IRF1: variants seen among roughly 807,000 people sequenced by gnomAD.
The protein encoded by IRF1 is interferon regulatory factor-1.
A neutral mutation model predicts 43.7 loss-of-function variants in IRF1; 13 were observed. The observed-to-expected ratio is 0.30, with a 90% CI of 0.19 to 0.47. The LOEUF (loss-of-function observed/expected upper bound fraction) is 0.47. IRF1 is among the 20% of genes least tolerant of loss of function. IRF1 has a pLI of 0.99. For missense variants in IRF1, 236 were observed against 408.9 expected (o/e 0.58, Z 3.65); for synonymous variants, 138 against 146.8 (o/e 0.94, Z 0.43).
intron 2 of IRF1, 57 bp downstream of exon 2, chr5:132,489,335 C>T (rs924776372): frequency 2.4e-5 from 31 of 1,287,220 alleles, no homozygotes; most frequent in Non-Finnish European, 3.4e-5. Context: ...AGCTTTGGTC[C>T]CTCCAGAAGT....
intron 3 of IRF1, chr5:132,487,678 C>T (rs1754572267): frequency 1.9e-6 from 1 of 527,308 alleles, no homozygotes. Flanking sequence ...CCAGGGAGAA[C>T]TTTCATCTAG....
Position 132,484,029 on chromosome 5 carries a change from G to A in IRF1, c.900C>T (p.Asn300=). 6.2e-7 allele frequency: 1 copy of A among 1,613,996 alleles called. No homozygotes were observed. Among genetic ancestry groups the A allele is most frequent in the Non-Finnish European group, 8.5e-7 (1 of 1,179,984 alleles). ...GGCTGTCCAGCCAGGTGGCATCCAT[G>A]TTCTTCAGATCTGTGAAGACACGCT... ...SLQRVFTDLK[N]MDATWLDSLL... Residue 300 remains asparagine, a synonymous_variant, in exon 10 of 10, where the codon AAC becomes AAT. Coordinates refer to ENST00000245414, the MANE Select transcript of IRF1 (RefSeq NM_002198.3).
rs1436402895 is a variant in IRF1 at position 132,486,844 on chromosome 5, T to C, written c.365A>G (p.Glu122Gly). The C allele has an allele frequency of 1.2e-6, 2 of 1,614,068 alleles. No homozygotes were observed. Among genetic ancestry groups the C allele is most frequent in the East Asian group, 2.2e-5 (1 of 44,890 alleles). The change falls in exon 5 of 10, where the codon GAA becomes GGA. Residue 122 changes from glutamate to glycine, a missense_variant and splice_region_variant. Transcript: ENST00000245414. Reference sequence around the variant, plus strand: ...ATCTCGGCTGGACTTCGACTTTCTTTCTGTGGGGCAGACGGGCTGTCAGCC... The same window carrying C: ...ATCTCGGCTGGACTTCGACTTTCTTCCTGTGGGGCAGACGGGCTGTCAGCC... ...LPPLTKNQRKERKSKSSRDAK... is the reference protein window; with the variant it reads ...LPPLTKNQRKGRKSKSSRDAK...
At chr5:132,484,166 T>C in intron 9 of IRF1, 91 bp from the exon 10 acceptor site, 1 of 1,514,400 alleles carries the variant, frequency 6.6e-7, no homozygotes. Context: ...ACATGGCCTC[T>C]GCTCTTCCCA....
chr5:132,486,295 T>C lies in IRF1; in HGVS notation c.623A>G (p.Asp208Gly). Residue 208 changes from aspartate to glycine, a missense_variant, in exon 7 of 10, where the codon GAT becomes GGT. Asp to Gly is a moderately conservative substitution (Grantham distance 94). Around this residue, in one of 2 missense-constraint regions of IRF1, gnomAD observed 170 missense variants for 251.8 expected, o/e 0.68. Coordinates refer to ENST00000245414, the MANE Select transcript of IRF1 (RefSeq NM_002198.3). ...PVEVVPDSTS[D>G]LYNFQVSPMP... The stretch of plus-strand genomic sequence containing the variant: ...GGGTGACACCTGGAAGTTGTACAGA[T>C]CACTGGTGCTGTCCGGCACAACTTC... The C allele has an allele frequency of 4.3e-6, 7 of 1,613,500 alleles. No homozygotes were observed. Among genetic ancestry groups the C allele is most frequent in the Non-Finnish European group, 5.9e-6 (7 of 1,180,016 alleles).
chr5:132,482,801 C>T lies in IRF1; in HGVS notation c.*1150G>A, dbSNP rs1471578251. 1 of 151,304 alleles carries T rather than the reference C, an allele frequency of 6.6e-6. No homozygotes were observed. The highest frequency in any genetic ancestry group is 6.6e-5 in the Admixed American group (1 of 15,106). The allele number at this position is 151,304 out of a possible 1,614,324, so 9.4% of individuals were successfully genotyped here. A position where few individuals can be genotyped will look rare whatever the true frequency, so the allele number is the denominator to read the frequency against. ...GAGTAGCTGGGATTACAAGCACCCG[C>T]AACCACGCCCAGCTAATTTTTGCAT... is the stretch of plus-strand genomic sequence containing the variant. On this transcript the variant is annotated 3_prime_UTR_variant, in exon 10 of 10. Transcript: ENST00000245414.
chr5:132,483,814 G>C lies in IRF1; in HGVS notation c.*137C>G. The C allele has an allele frequency of 9.2e-7, 1 of 1,091,576 alleles. No homozygotes were observed. The highest frequency in any genetic ancestry group is 1.3e-6 in the Non-Finnish European group (1 of 760,880). 67.6% of individuals were successfully genotyped at this position (1,091,576 alleles called of 1,614,324 possible). A position where few individuals can be genotyped will look rare whatever the true frequency, so the allele number is the denominator to read the frequency against. ...CTGAGAGGTCAATGACCCAAGGAGG[G>C]AGGCCCCATCCCCACTTGGCAGTGG... On this transcript the variant is annotated 3_prime_UTR_variant, in exon 10 of 10. Transcript: ENST00000245414.
chr5:132,487,066 G>T lies in IRF1; in HGVS notation c.252C>A (p.Ala84=). The T allele has an allele frequency of 1.2e-6, 2 of 1,614,194 alleles. No homozygotes were observed. Among genetic ancestry groups the T allele is most frequent in the Non-Finnish European group, 1.7e-6 (2 of 1,180,022 alleles). ...PKTWKANFRC[A]MNSLPDIEEV... ...CCTCGATATCTGGCAGGGAGTTCAT[G>T]GCACAGCGAAAGTTGGCCTTCCACG... Residue 84 remains alanine, a synonymous_variant, in exon 4 of 10, where the codon GCC becomes GCA. Transcript: ENST00000245414.
intron 7 of IRF1, 198 bp downstream of exon 7, chr5:132,486,053 C>G (rs1231535339): frequency 1.4e-6 from 1 of 705,290 alleles, no homozygotes; most frequent in East Asian, 2.6e-5. Flanking sequence ...TCACCAGCCC[C>G]CACTGTACTG....
chr5:132,489,936 C>G (rs17848396), intron 1 of IRF1: 3,897 of 174,554 alleles, frequency 0.022, 147 homozygotes, highest in African/African-American at 0.079. Flanking sequence ...CCTCCCGCCC[C>G]CCTGAATCCA....
At chr5:132,489,767 G>C (rs1561606126) in intron 1 of IRF1, 1 of 328,808 alleles carries the variant, frequency 3.0e-6, no homozygotes. Flanking sequence ...CAGGAAAAGA[G>C]ACAAAATGCA....
At chr5:132,484,771 T>G (rs1754474422) in intron 8 of IRF1, 1 of 426,274 alleles carries the variant, frequency 2.3e-6, no homozygotes, top group Non-Finnish European at 4.2e-6. Context: ...CTCAACTGTG[T>G]AAGGACATAG....
At chr5:132,486,218 C>T (rs1580938738) in intron 7 of IRF1, 33 bp downstream of exon 7, 2 of 1,610,252 alleles carry the variant, frequency 1.2e-6, no homozygotes, top group Non-Finnish European at 1.7e-6. Context: ...CCCAGACAGT[C>T]AAGCAGGCAG....
rs1028501606 is a variant in IRF1 at position 132,486,894 on chromosome 5, C to G, written c.365-50G>C. 6.2e-6 allele frequency: 10 copies of G among 1,614,124 alleles called. No individual in the cohort carries two copies. The African/African-American group carries it at 6.7e-5, about 11-fold the overall frequency. On this transcript the variant is annotated intron_variant, in intron 4 of 9. Coordinates refer to ENST00000245414, the MANE Select transcript of IRF1 (RefSeq NM_002198.3). Reference sequence around the variant, plus strand: ...CTTGGTGCAGGCTCTCCAGCCCCAGCTGACCTCCTTCTACCCTCCCTCCCT... The same window carrying G: ...CTTGGTGCAGGCTCTCCAGCCCCAGGTGACCTCCTTCTACCCTCCCTCCCT...
rs10900809 is a variant in IRF1, at chr5:132,490,630, G to A, written c.-91C>T. The A allele has an allele frequency of 0.25, 38,446 of 152,292 alleles. 6,173 individuals carry two copies. The highest frequency in any genetic ancestry group is 0.36 in the Non-Finnish European group (24,817 of 68,026). The allele number at this position is 152,292 out of a possible 1,614,324, so 9.4% of individuals were successfully genotyped here. A position where few individuals can be genotyped will look rare whatever the true frequency, so the allele number is the denominator to read the frequency against. On this transcript the variant is annotated 5_prime_UTR_variant, in exon 1 of 10. Transcript: ENST00000245414. This position sits in a 1 kb window ranked among gnomAD's most constrained non-coding sequence, Gnocchi z 5.8. ...GTGAGGGCGCGCGGAGCGCGACTCCGAGTGGAAGAGGGAAGAAGGCAGAGG... is the reference window on the plus strand; with the variant it reads ...GTGAGGGCGCGCGGAGCGCGACTCCAAGTGGAAGAGGGAAGAAGGCAGAGG...
chr5:132,484,520 C>T, intron 8 of IRF1, 23 bp from the exon 9 acceptor site: 1 of 1,613,684 alleles, frequency 6.2e-7, no homozygotes, highest in Non-Finnish European at 8.5e-7. Flanking sequence ...GAGCAAGAGG[C>T]TATCAACTCC....
At chr5:132,487,755 T>G (rs1358264112) in intron 3 of IRF1, 171 bp downstream of exon 3, 1 of 594,258 alleles carries the variant, frequency 1.7e-6, no homozygotes, top group East Asian at 2.8e-5. Flanking sequence ...TTTGCTGAGA[T>G]GATCGACTCT....
At chr5:132,487,258 C>G in intron 3 of IRF1, 128 bp from the exon 4 acceptor site, 1 of 879,208 alleles carries the variant, frequency 1.1e-6, no homozygotes, top group Non-Finnish European at 1.8e-6. Flanking sequence ...AGTGGTCAAA[C>G]CAGCAGGTAC....
Position 132,489,108 on chromosome 5 carries a change from T to G in IRF1, c.87+284A>C, listed in dbSNP as rs571833697. 5.3e-4 allele frequency: 195 copies of G among 366,526 alleles called. 2 individuals carry two copies. Among genetic ancestry groups the G allele is most frequent in the African/African-American group, 3.7e-3 (180 of 48,604 alleles). The allele number at this position is 366,526 out of a possible 1,614,324, so 22.7% of individuals were successfully genotyped here. On this transcript the variant is annotated intron_variant, in intron 2 of 9. Coordinates refer to ENST00000245414, the MANE Select transcript of IRF1 (RefSeq NM_002198.3). ...TGTGTATGTTTGTAAGGGTCTCGCT[T>G]AGAGGAGAGCAGAACTCCAGCTCTG...
Sources: allele counts gnomAD v4.1 joint callset, GRCh38; gene constraint gnomAD v4.1.1; regional missense constraint gnomAD v4.1.1; non-coding constraint Gnocchi (gnomAD v3.1); transcripts MANE v1.5; gene names NCBI Gene and HGNC (gene_info 2026-07-23, HGNC 2026-07-21).